Variants in RTN3 observed in about 807,000 individuals in gnomAD.
The protein encoded by RTN3 is reticulon 3, also known as reticulon-3.
Under a neutral mutation model 77.8 loss-of-function variants are expected in RTN3, and 49 were observed. That is an observed-to-expected ratio of 0.63 (90% CI 0.50 to 0.80). RTN3 has a LOEUF of 0.80. RTN3 is among the 30% of genes least tolerant of loss of function. The pLI is 0.00. For missense variants in RTN3, 1,236 were observed against 1,211.9 expected (o/e 1.02, Z -0.29); for synonymous variants, 464 against 446.9 (o/e 1.04, Z -0.48).
At chr11:63,698,066 C>T (rs1016695066) in intron 1 of RTN3, among the ~76,000 whole-genome samples, 2 of 151,846 alleles carry the variant, frequency 1.3e-5, no homozygotes, top group African/African-American at 4.8e-5. Context: ...TGTCTGTTCC[C>T]TCCCCCTCTA....
At position 63,740,478 on chromosome 11, in the gene RTN3, T is replaced by C. The variant is rs694024; in HGVS notation, c.2531-9513T>C. ...TTTTTTTTTTTTTTTTTTGTATTTT[T>C]AGTACAGACAGGATTTCACTATGTT... On this transcript the variant is annotated intron_variant, in intron 3 of 8. Transcript: ENST00000377819. 6.2e-3 allele frequency among the ~76,000 whole-genome samples: 930 copies of C among 150,662 alleles called. 9 individuals carry two copies. The highest frequency in any genetic ancestry group is 0.021 in the African/African-American group (877 of 40,992).
At position 63,681,611 on chromosome 11, in the gene RTN3, C is replaced by G. The variant is rs11551938; in HGVS notation, c.-26C>G. The G allele has an allele frequency of 7.0e-6, 11 of 1,573,228 alleles. No homozygotes were observed. In the African/African-American group the frequency reaches 8.3e-5, roughly 12 times the overall value. ...CTCCCGCCCCGTATCTCTTTTCACCCTTCTCCCACCCTCGCTCGCGTAGCC... is the reference window on the plus strand; with the variant it reads ...CTCCCGCCCCGTATCTCTTTTCACCGTTCTCCCACCCTCGCTCGCGTAGCC... On this transcript the variant is annotated 5_prime_UTR_variant, in exon 1 of 9. Coordinates refer to ENST00000377819, the MANE Select transcript of RTN3 (RefSeq NM_001265589.2).
intron 3 of RTN3, among the ~76,000 whole-genome samples, chr11:63,729,928 G>A (rs2012572470): frequency 6.6e-6 from 1 of 151,624 alleles, no homozygotes; most frequent in African/African-American, 2.4e-5. Context: ...GGGACTATAG[G>A]TATATGCCAC....
Position 63,720,771 on chromosome 11 carries a change from G to A in RTN3, c.2269G>A (p.Glu757Lys), listed in dbSNP as rs1382248577. ...TAAAGAATTAGGTGAAAGACAGGTT[G>A]AGAAGTCAACTTCTGCACAGCGTGA... ...ALKELGERQV[E>K]KSTSAQRDAE... Residue 757 changes from glutamate to lysine, a missense_variant, in exon 3 of 9, where the codon GAG (glutamate) becomes AAG (lysine). Coordinates refer to ENST00000377819, the MANE Select transcript of RTN3 (RefSeq NM_001265589.2). The A allele has an allele frequency of 6.2e-7, 1 of 1,614,138 alleles. No homozygotes were observed. The highest frequency in any genetic ancestry group is 8.5e-7 in the Non-Finnish European group (1 of 1,180,026).
chr11:63,683,062 A>G (rs1941150480), intron 1 of RTN3, among the ~76,000 whole-genome samples: 1 of 152,070 alleles, frequency 6.6e-6, no homozygotes, highest in African/African-American at 2.4e-5. Context: ...TTCTGATCTT[A>G]ACCTTAAATG....
At chr11:63,724,173 CTTTTTTTTTT>C (rs958114305) in intron 3 of RTN3, among the ~76,000 whole-genome samples, 23 of 85,452 alleles carry the variant, frequency 2.7e-4, no homozygotes, top group East Asian at 6.3e-4. Context: ...TTTAGGAATT[CTTTTTTTTTT>C]TTTTTTTTTT....
At chr11:63,733,771 G>T (rs943538898) in intron 3 of RTN3, among the ~76,000 whole-genome samples, 1 of 151,414 alleles carries the variant, frequency 6.6e-6, no homozygotes, top group Non-Finnish European at 1.5e-5. Flanking sequence ...TGTGTCTGTA[G>T]TCCCAGCTAC....
Position 63,681,705 on chromosome 11 carries a change from C to G in RTN3, c.69C>G (p.Ser23=), listed in dbSNP as rs550004352. The change falls in exon 1 of 9, where the codon TCC becomes TCG. Residue 23 remains serine (S), a synonymous_variant. Transcript: ENST00000377819. ...CGTCGTCCTTCGGAGCCGAGCCGTC[C>G]GCGCCCGGCGGCGGCGGGAGCCCAG... ...ISSSSFGAEP[S]APGGGGSPGA... 1.2e-5 allele frequency: 19 copies of G among 1,610,880 alleles called. No individual in the cohort carries two copies. The highest frequency in any genetic ancestry group is 4.0e-5 in the African/African-American group (3 of 74,916).
At chr11:63,709,627 C>T (rs979899226) in intron 2 of RTN3, among the ~76,000 whole-genome samples, 1 of 151,036 alleles carries the variant, frequency 6.6e-6, no homozygotes, top group African/African-American at 2.4e-5. Context: ...ACAAAAGAGA[C>T]GTTTTGTTTA....
At chr11:63,735,993 T>G (rs1333575401) in intron 3 of RTN3, among the ~76,000 whole-genome samples, 1 of 152,038 alleles carries the variant, frequency 6.6e-6, no homozygotes, top group Non-Finnish European at 1.5e-5. Context: ...TTAGCACAAA[T>G]TTAGCAACTT....
chr11:63,746,918 C>T (rs2135034168), intron 3 of RTN3: 2 of 455,302 alleles, frequency 4.4e-6, no homozygotes, highest in African/African-American at 2.0e-5. Context: ...CCAATGATGT[C>T]TTTATAGCTG....
chr11:63,717,171 A>G (rs1162890250), intron 2 of RTN3, among the ~76,000 whole-genome samples: 4 of 151,730 alleles, frequency 2.6e-5, no homozygotes, highest in African/African-American at 9.7e-5. Flanking sequence ...CTCAAATACA[A>G]ACAAACAAAT....
chr11:63,750,444 G>T, intron 4 of RTN3: 1 of 449,544 alleles, frequency 2.2e-6, no homozygotes, highest in Non-Finnish European at 4.0e-6. Flanking sequence ...CTTCAAAGAA[G>T]ACTCTAAATT....
intron 2 of RTN3, among the ~76,000 whole-genome samples, chr11:63,706,890 T>C (rs1942520798): frequency 6.8e-6 from 1 of 148,054 alleles, no homozygotes; most frequent in Non-Finnish European, 1.5e-5. Context: ...ATTTTTTTTC[T>C]TTTCTTTTTT....
intron 3 of RTN3, among the ~76,000 whole-genome samples, chr11:63,742,540 G>A (rs995345190): frequency 1.1e-4 from 17 of 151,858 alleles, no homozygotes; most frequent in African/African-American, 4.1e-4. Flanking sequence ...AGCTACTTTG[G>A]GAGGCTCAGG....
At chr11:63,684,359 G>A (rs1941254787) in intron 1 of RTN3, among the ~76,000 whole-genome samples, 1 of 152,078 alleles carries the variant, frequency 6.6e-6, no homozygotes, top group African/African-American at 2.4e-5. Context: ...GTGTTAGCCA[G>A]GATGGTCTTG....
At chr11:63,701,234 A>G (rs1008399570) in intron 1 of RTN3, among the ~76,000 whole-genome samples, 3 of 151,926 alleles carry the variant, frequency 2.0e-5, no homozygotes. Context: ...TTTTCCTGAT[A>G]TCAAATGTAC....
chr11:63,683,328 C>A (rs1257164418), intron 1 of RTN3, among the ~76,000 whole-genome samples: 1 of 152,204 alleles, frequency 6.6e-6, no homozygotes, highest in African/African-American at 2.4e-5. Context: ...GCAACTTGAT[C>A]TTTTTGCTTT....
rs1473449030 is a variant in RTN3 at position 63,738,807 on chromosome 11, CAA to C, written c.2531-11183_2531-11182del. Among the ~76,000 whole-genome samples the C allele has an allele frequency of 6.6e-5, 10 of 152,102 alleles. No homozygotes were observed. In the South Asian group the frequency reaches 2.1e-3, roughly 32 times the overall value. ...TGGAAATGGCTAGTTAGAATCAAAA[CAA>C]GAGCTTTCCCCAAATTCGGTAATAA... On this transcript the variant is annotated intron_variant, in intron 3 of 8. Transcript: ENST00000377819.
Sources: allele counts gnomAD v4.1 joint callset (sites outside exome capture counted in the v4.1 genomes callset), GRCh38; gene constraint gnomAD v4.1.1; transcripts MANE v1.5; gene names NCBI Gene and HGNC (gene_info 2026-07-23, HGNC 2026-07-21).